The following MAP4K4 variants were observed in gnomAD, a reference collection of about 807,000 sequenced individuals.
The protein encoded by MAP4K4 is mitogen-activated protein kinase kinase kinase kinase 4.
In MAP4K4, 38 loss-of-function variants were observed where a neutral mutation model predicts 189.6. The observed-to-expected ratio is 0.20, with a 90% CI of 0.15 to 0.26. The LOEUF (loss-of-function observed/expected upper bound fraction) is 0.26, where lower values mean the gene tolerates loss of function less well. Among genes scored for constraint, MAP4K4 ranks in the 10% least tolerant of loss-of-function variants. The pLI is 1.00. For synonymous variants in MAP4K4, 610 were observed against 624.3 expected (o/e 0.98, Z 0.34); for missense variants, 1,054 against 1,726.9 (o/e 0.61, Z 6.91).
chr2:101,697,768 G>A (rs1309711033), exon 1 of MAP4K4: 1 of 145,798 alleles, frequency 6.9e-6, no homozygotes, highest in Admixed American at 6.8e-5. Flanking sequence ...GGCGCGCGGC[G>A]CGGGGCGCGG....
At chr2:101,709,449 C>G (rs375053571) in intron 2 of MAP4K4, among the ~76,000 whole-genome samples, 5 of 152,168 alleles carry the variant, frequency 3.3e-5, no homozygotes, top group African/African-American at 1.2e-4. Flanking sequence ...GTGATCTGCC[C>G]GCCTCGGCCT....
At chr2:101,711,923 T>C (rs2045781997) in intron 2 of MAP4K4, among the ~76,000 whole-genome samples, 1 of 151,532 alleles carries the variant, frequency 6.6e-6, no homozygotes, top group South Asian at 2.1e-4. Flanking sequence ...TTTATTTTCT[T>C]GCTGGCTCTA....
At chr2:101,888,057 A>T (rs2098512640) in intron 31 of MAP4K4, 120 bp downstream of exon 31, 1 of 779,168 alleles carries the variant, frequency 1.3e-6, no homozygotes, top group Non-Finnish European at 1.9e-6. Context: ...TGAACAGAGT[A>T]GTTGGCAGTA....
At chr2:101,720,845 T>C (rs4850988) in intron 2 of MAP4K4, among the ~76,000 whole-genome samples, 34,172 of 152,218 alleles carry the variant, frequency 0.22, 8,920 homozygotes, top group African/African-American at 0.64. Context: ...GTTGAATTAT[T>C]GCTGAATTTT....
intron 2 of MAP4K4, among the ~76,000 whole-genome samples, chr2:101,716,789 T>C (rs1559070024): frequency 6.6e-6 from 1 of 152,188 alleles, no homozygotes; most frequent in Non-Finnish European, 1.5e-5. Flanking sequence ...AACTGGGGGC[T>C]GCATGGTGTG....
intron 2 of MAP4K4, among the ~76,000 whole-genome samples, chr2:101,707,792 G>A (rs893792206): frequency 5.3e-5 from 8 of 150,118 alleles, no homozygotes. Context: ...CCGGGTTCAC[G>A]CCATTCTCCT....
At chr2:101,872,972 G>GTCA (rs1414307257) in intron 24 of MAP4K4, among the ~76,000 whole-genome samples, 2 of 151,952 alleles carry the variant, frequency 1.3e-5, no homozygotes, top group African/African-American at 4.8e-5. Flanking sequence ...GTTTTTAATT[G>GTCA]TCATTACATT....
intron 2 of MAP4K4, among the ~76,000 whole-genome samples, chr2:101,720,587 A>G (rs1394972331): frequency 1.3e-5 from 2 of 152,186 alleles, no homozygotes; most frequent in African/African-American, 4.8e-5. Flanking sequence ...ATGGACCTTC[A>G]TATTTTTGCC....
chr2:101,763,579 CT>C (rs1473628582), intron 2 of MAP4K4, among the ~76,000 whole-genome samples: 3 of 152,168 alleles, frequency 2.0e-5, no homozygotes, highest in African/African-American at 4.8e-5. Context: ...ACAAGTCCTC[CT>C]TGCATCTTCT....
At chr2:101,730,693 C>T (rs1405261415) in intron 2 of MAP4K4, among the ~76,000 whole-genome samples, 1 of 152,044 alleles carries the variant, frequency 6.6e-6, no homozygotes, top group Non-Finnish European at 1.5e-5. Context: ...TGAATTTTTC[C>T]CCTTAAGACT....
intron 2 of MAP4K4, among the ~76,000 whole-genome samples, chr2:101,789,779 A>C (rs962201642): frequency 2.0e-5 from 3 of 152,140 alleles, no homozygotes; most frequent in Non-Finnish European, 2.9e-5. Context: ...CTGGCCTGAG[A>C]AATGACCAGC....
At chr2:101,811,865 A>T (rs1209350514) in intron 3 of MAP4K4, among the ~76,000 whole-genome samples, 1 of 152,168 alleles carries the variant, frequency 6.6e-6, no homozygotes, top group East Asian at 1.9e-4. Context: ...TTGGAGCTGG[A>T]TAAGTTGGGC....
At chr2:101,883,947 G>A (rs1218546531) in intron 28 of MAP4K4, among the ~76,000 whole-genome samples, 1 of 152,128 alleles carries the variant, frequency 6.6e-6, no homozygotes, top group Non-Finnish European at 1.5e-5. Context: ...GTATTTTTAT[G>A]TGTTGAGGTA....
chr2:101,735,699 C>T (rs2060059168), intron 2 of MAP4K4, among the ~76,000 whole-genome samples: 1 of 152,080 alleles, frequency 6.6e-6, no homozygotes, highest in African/African-American at 2.4e-5. Context: ...AAGAGGGAGA[C>T]CACTCCAGTA....
At chr2:101,787,523 C>T (rs769004226) in intron 2 of MAP4K4, among the ~76,000 whole-genome samples, 19 of 152,156 alleles carry the variant, frequency 1.2e-4, no homozygotes, top group Non-Finnish European at 2.2e-4. Flanking sequence ...ACCCAGCTAG[C>T]GCAGGCTTAA....
At chr2:101,747,280 G>A (rs1175298894) in intron 2 of MAP4K4, among the ~76,000 whole-genome samples, 5 of 151,930 alleles carry the variant, frequency 3.3e-5, no homozygotes, top group African/African-American at 7.3e-5. Flanking sequence ...TACCAGGCCC[G>A]GCTAATTTTT....
intron 3 of MAP4K4, among the ~76,000 whole-genome samples, chr2:101,791,082 T>C (rs558902584): frequency 1.3e-5 from 2 of 152,044 alleles, no homozygotes; most frequent in Non-Finnish European, 1.5e-5. Context: ...AAAGAAAAAG[T>C]TTGAAAAGGG....
intron 2 of MAP4K4, among the ~76,000 whole-genome samples, chr2:101,750,817 C>A (rs2068509080): frequency 6.7e-6 from 1 of 148,780 alleles, no homozygotes; most frequent in Non-Finnish European, 1.5e-5. Flanking sequence ...CAGAGTAAGA[C>A]CCTGTCTAAA....
intron 3 of MAP4K4, 78 bp downstream of exon 3, chr2:101,790,854 CTGTT>C (rs2092759392): frequency 4.9e-6 from 6 of 1,235,430 alleles, no homozygotes; most frequent in Non-Finnish European, 1.2e-6. Context: ...GAGTATTACT[CTGTT>C]TGGAAAATCT....
Sources: gnomAD v4.1 joint callset for allele counts (sites outside exome capture counted in the v4.1 genomes callset) on GRCh38, gnomAD v4.1.1 for gene constraint, MANE v1.5 for transcripts, NCBI Gene and HGNC (gene_info 2026-07-23, HGNC 2026-07-21) for gene names.